EPG5: variants seen among roughly 807,000 people sequenced by gnomAD.
EPG5 encodes the protein ectopic P-granules 5 autophagy tethering factor, also known as ectopic P granules protein 5 homolog.
A neutral mutation model predicts 302.7 loss-of-function variants in EPG5; 159 were observed. The observed-to-expected ratio is 0.53, with a 90% CI of 0.46 to 0.60. The LOEUF is 0.60. EPG5 is among the 20% of genes least tolerant of loss of function. The probability of loss-of-function intolerance (pLI) is 0.00; values close to 1 mark genes in which losing one functional copy is unlikely to be tolerated. For missense variants in EPG5, 2,896 were observed against 3,092.4 expected (o/e 0.94, Z 1.51); for synonymous variants, 1,158 against 1,136.8 (o/e 1.02, Z -0.37).
chr18:45,855,082 A>G (rs2048487152), intron 43 of EPG5, among the ~76,000 whole-genome samples: 1 of 151,626 alleles, frequency 6.6e-6, no homozygotes, highest in Admixed American at 6.6e-5. Flanking sequence ...AAGAAGCTAT[A>G]ATTTCTAGCT....
At chr18:45,844,160 A>T (rs989496369), downstream of EPG5, 13 of 152,204 alleles carry the variant, frequency 8.5e-5, no homozygotes, top group Non-Finnish European at 1.6e-4. Flanking sequence ...GAAATAAGTC[A>T]AGCACAGAAA....
At chr18:45,830,263 T>C in the EPG5 span, among the ~76,000 whole-genome samples, 1 of 152,234 alleles carries the variant, frequency 6.6e-6, no homozygotes, top group Non-Finnish European at 1.5e-5. Flanking sequence ...CTTCTGCTGG[T>C]GTAGGCTCCC....
At chr18:45,825,007 T>G in the EPG5 span, among the ~76,000 whole-genome samples, 1 of 151,982 alleles carries the variant, frequency 6.6e-6, no homozygotes. Context: ...GTCAGGTCAC[T>G]GTCTAAGGGA....
At position 45,879,133 on chromosome 18, in the gene EPG5, AT is replaced by A; in HGVS notation, c.5748del (p.Leu1916PhefsTer12). The A allele has an allele frequency of 6.2e-7, 1 of 1,614,184 alleles. No homozygotes were observed. The highest frequency in any genetic ancestry group is 8.5e-7 in the Non-Finnish European group (1 of 1,180,018). ...GCCATATAAGGACTCCATTTTGAGA[AT>A]AAACCAAAGCTTTTAAAGTCCATCT... ...LSKMDFKSFG[L>X]FSKWSPYMAD... is the part of the protein sequence containing the mutation. On this transcript the variant is annotated frameshift_variant, in exon 33 of 44. Coordinates refer to ENST00000282041, the MANE Select transcript of EPG5 (RefSeq NM_020964.3). LOFTEE classifies it high-confidence loss of function.
chr18:45,866,125 T>C (rs1380893012), intron 38 of EPG5, among the ~76,000 whole-genome samples: 3 of 150,564 alleles, frequency 2.0e-5, no homozygotes, highest in Admixed American at 6.6e-5. Flanking sequence ...ACTATTTCTT[T>C]TTTTTTTTTT....
At chr18:45,953,449 A>C in intron 2 of EPG5, 3 of 985,358 alleles carry the variant, frequency 3.0e-6, no homozygotes, top group Non-Finnish European at 3.6e-6. Context: ...CTATGTACAG[A>C]GATATACAGG....
downstream of EPG5, among the ~76,000 whole-genome samples, chr18:45,845,673 T>G (rs1487360982): frequency 6.6e-6 from 1 of 152,210 alleles, no homozygotes; most frequent in Non-Finnish European, 1.5e-5. Flanking sequence ...CTCGGTGTTT[T>G]CAAGATTGGA....
the EPG5 span, among the ~76,000 whole-genome samples, chr18:45,840,526 C>T: frequency 6.6e-6 from 1 of 152,190 alleles, no homozygotes; most frequent in African/African-American, 2.4e-5. Context: ...CAGATTCATA[C>T]AAAAACCACA....
intron 13 of EPG5, among the ~76,000 whole-genome samples, chr18:45,928,613 T>G (rs2050328726): frequency 6.6e-6 from 1 of 152,206 alleles, no homozygotes; most frequent in Admixed American, 6.5e-5. Context: ...ATAAGTAAAG[T>G]AAAAATATGT....
chr18:45,937,357 T>C (rs952799443), intron 10 of EPG5, among the ~76,000 whole-genome samples: 30 of 150,284 alleles, frequency 2.0e-4, no homozygotes, highest in African/African-American at 7.1e-4. Flanking sequence ...TATACACATA[T>C]ATATACACAC....
At chr18:45,930,615 A>G (rs2050377878) in intron 12 of EPG5, 61 bp downstream of exon 12, 2 of 1,413,692 alleles carry the variant, frequency 1.4e-6, no homozygotes, top group African/African-American at 1.5e-5. Flanking sequence ...CCAAAAAATC[A>G]ACAGATGGAC....
chr18:45,933,285 C>T (rs1006433752), intron 11 of EPG5, among the ~76,000 whole-genome samples: 2 of 151,916 alleles, frequency 1.3e-5, no homozygotes, highest in African/African-American at 2.4e-5. Flanking sequence ...AGAGCTACCA[C>T]TAAGAAGATA....
At chr18:45,952,289 A>G (rs949276964) in intron 3 of EPG5, 111 bp downstream of exon 3, 5 of 1,338,486 alleles carry the variant, frequency 3.7e-6, no homozygotes, top group African/African-American at 1.5e-5. Flanking sequence ...AACTGCAAGC[A>G]CAAATGGTAC....
chr18:45,952,454 A>G lies in EPG5; in HGVS notation c.1198T>C (p.Leu400=). 1.2e-6 allele frequency: 2 copies of G among 1,614,228 alleles called. No individual in the cohort carries two copies. The highest frequency in any genetic ancestry group is 1.7e-6 in the Non-Finnish European group (2 of 1,180,040). ...CTCAGAACAGCTGAACTACTGAGCA[A>G]TGCATAGATGTAAGACTCCACTTGC... ...RLQVESYIYA[L]LSSSAVLRSS... is the part of the protein sequence containing the mutation. Residue 400 remains leucine, a synonymous_variant, in exon 3 of 44, where the codon TTG becomes CTG. Coordinates refer to ENST00000282041, the MANE Select transcript of EPG5 (RefSeq NM_020964.3).
intron 2 of EPG5, chr18:45,953,640 T>TC: frequency 1.0e-6 from 1 of 985,316 alleles, no homozygotes; most frequent in Non-Finnish European, 1.2e-6. Context: ...CTAATGGTCT[T>TC]CTCCATCCCC....
intron 34 of EPG5, among the ~76,000 whole-genome samples, chr18:45,877,800 T>C (rs563994307): frequency 2.0e-4 from 30 of 152,180 alleles, no homozygotes; most frequent in Non-Finnish European, 3.8e-4. Context: ...ACTCCTATAA[T>C]GTGATGTTTA....
chr18:45,842,430 T>C, the EPG5 span: 1 of 520,858 alleles, frequency 1.9e-6, no homozygotes, highest in South Asian at 2.4e-5. Context: ...CGTCTGTGTG[T>C]GTGTGTGTGT....
At chr18:45,864,485 T>C (rs1167993405) in intron 39 of EPG5, among the ~76,000 whole-genome samples, 2 of 152,244 alleles carry the variant, frequency 1.3e-5, no homozygotes, top group Admixed American at 1.3e-4. Flanking sequence ...CAGCATATAA[T>C]AAAAATAACT....
chr18:45,904,018 G>T lies in EPG5; in HGVS notation c.4429C>A (p.Pro1477Thr). 2 of 1,613,000 alleles carry T rather than the reference G, an allele frequency of 1.2e-6. No individual in the cohort carries two copies. Among genetic ancestry groups the T allele is most frequent in the Non-Finnish European group, 1.7e-6 (2 of 1,179,864 alleles). ...TCCAGCTGCACGGACAAACTGCAGG[G>T]TGTGGAATGGGACTCAAGCTTGGCC... ...TQAKLESHST[P>T]CSLSVQLDFT... Residue 1477 changes from proline (P) to threonine (T), a missense_variant, in exon 25 of 44, where the codon CCC becomes ACC. Transcript: ENST00000282041.
Sources: gnomAD v4.1 joint callset for allele counts (sites outside exome capture counted in the v4.1 genomes callset) on GRCh38, gnomAD v4.1.1 for gene constraint, MANE v1.5 for transcripts, NCBI Gene and HGNC (gene_info 2026-07-23, HGNC 2026-07-21) for gene names.